Variants in IL1RL2 observed in about 807,000 individuals in gnomAD.
IL1RL2 encodes interleukin 1 receptor like 2.
In IL1RL2, 68 loss-of-function variants were observed where a neutral mutation model predicts 66.8. The observed-to-expected ratio is 1.02, with a 90% CI of 0.84 to 1.25. IL1RL2 has a LOEUF of 1.25. Ranked by LOEUF, IL1RL2 falls within the 50% of genes most tolerant of loss-of-function variation. IL1RL2 has a pLI of 0.00. For missense variants in IL1RL2, 729 were observed against 709.3 expected, an observed-to-expected ratio of 1.03 and a Z score of -0.32; for synonymous variants, 305 against 264.6, an observed-to-expected ratio of 1.15 and a Z score of -1.48.
chr2:102,225,671 T>A (rs1690537333), intron 8 of IL1RL2, among the ~76,000 whole-genome samples: 1 of 152,106 alleles, frequency 6.6e-6, no homozygotes, highest in African/African-American at 2.4e-5. Context: ...CTCGTATAAG[T>A]TCCCAGGAGC....
At position 102,231,912 on chromosome 2, in the gene IL1RL2, C is replaced by T. The variant is rs1449764668; in HGVS notation, c.1136-1051C>T. Among the ~76,000 whole-genome samples, 3 of 152,190 alleles carry T rather than the reference C, an allele frequency of 2.0e-5. No homozygotes were observed. In the East Asian group the frequency reaches 5.8e-4, roughly 29 times the overall value. On this transcript the variant is annotated intron_variant, in intron 9 of 11. Coordinates refer to ENST00000264257, the MANE Select transcript of IL1RL2 (RefSeq NM_003854.4). ...TGGGCCTGAATCAAGAGGGAGTCAT[C>T]CAGTTTTGCCTGGTGCAGTTAGGAC...
chr2:102,207,620 G>A (rs1688812147), intron 5 of IL1RL2, among the ~76,000 whole-genome samples: 1 of 152,058 alleles, frequency 6.6e-6, no homozygotes, highest in South Asian at 2.1e-4. Flanking sequence ...TGCAAGTGAA[G>A]TCCTCTCCGC....
chr2:102,187,762 C>G (rs1457127326), intron 1 of IL1RL2, 94 bp from the exon 2 acceptor site: 2 of 1,040,522 alleles, frequency 1.9e-6, no homozygotes, highest in Admixed American at 1.7e-5. Context: ...GCGGCCTGGG[C>G]GGTTGTCTTT....
chr2:102,234,400 A>G (rs1674653746), intron 10 of IL1RL2, among the ~76,000 whole-genome samples: 1 of 152,132 alleles, frequency 6.6e-6, no homozygotes, highest in Admixed American at 6.6e-5. Context: ...GGCTCCAGGG[A>G]AAGCCACAAA....
At chr2:102,232,684 TGGGGTA>T (rs890678151) in intron 9 of IL1RL2, among the ~76,000 whole-genome samples, 2 of 152,026 alleles carry the variant, frequency 1.3e-5, no homozygotes, top group Non-Finnish European at 2.9e-5. Context: ...TCAAAAGACG[TGGGGTA>T]GGGGTAGGGT....
At chr2:102,238,585 T>A (rs1357497666) in intron 11 of IL1RL2, among the ~76,000 whole-genome samples, 1 of 152,196 alleles carries the variant, frequency 6.6e-6, no homozygotes, top group African/African-American at 2.4e-5. Flanking sequence ...CTGTTTTTTA[T>A]TTATAAACTT....
At chr2:102,235,687 G>C (rs1049083723) in intron 11 of IL1RL2, 22 of 985,430 alleles carry the variant, frequency 2.2e-5, no homozygotes, top group Non-Finnish European at 2.5e-5. Context: ...CAGGAGGGCA[G>C]TCTAGCACCA....
chr2:102,193,239 C>G (rs1408454951), intron 4 of IL1RL2, among the ~76,000 whole-genome samples: 1 of 151,998 alleles, frequency 6.6e-6, no homozygotes, highest in Non-Finnish European at 1.5e-5. Context: ...GTCCTTATAC[C>G]TGTATTTTAA....
chr2:102,193,775 T>G (rs1236992738), intron 4 of IL1RL2, among the ~76,000 whole-genome samples: 2 of 152,230 alleles, frequency 1.3e-5, no homozygotes, highest in Non-Finnish European at 2.9e-5. Context: ...TTTTCCTTAA[T>G]TATTAGTGAG....
rs1690552940 is a variant in IL1RL2 at position 102,225,858 on chromosome 2, A to G, written c.992-40A>G. On this transcript the variant is annotated intron_variant, in intron 8 of 11. Transcript: ENST00000264257. ...ATAATGGACTCTTTGTTTCATTATT[A>G]TAATTATAATTATTATTATTTTTTT... 1.1e-5 allele frequency: 16 copies of G among 1,419,598 alleles called. No homozygotes were observed. In the South Asian group the frequency reaches 1.4e-4, roughly 12 times the overall value. 87.9% of individuals were successfully genotyped at this position (1,419,598 alleles called of 1,614,324 possible).
At chr2:102,230,885 G>A (rs1291655937) in intron 9 of IL1RL2, among the ~76,000 whole-genome samples, 3 of 152,216 alleles carry the variant, frequency 2.0e-5, no homozygotes, top group Non-Finnish European at 4.4e-5. Flanking sequence ...GTCAAGATCT[G>A]TGCACATTTT....
chr2:102,220,168 A>C, intron 8 of IL1RL2, 151 bp downstream of exon 8: 781 of 592,174 alleles, frequency 1.3e-3, no homozygotes, highest in Non-Finnish European at 1.9e-3. Flanking sequence ...GGAAAATCTC[A>C]TGCAACAGCT....
intron 5 of IL1RL2, among the ~76,000 whole-genome samples, chr2:102,209,837 G>A (rs778839186): frequency 1.3e-5 from 2 of 152,120 alleles, no homozygotes; most frequent in Non-Finnish European, 2.9e-5. Context: ...TTGGGAAGAG[G>A]CCATGGGGGA....
At chr2:102,195,001 C>A (rs770295512) in intron 4 of IL1RL2, among the ~76,000 whole-genome samples, 4 of 152,064 alleles carry the variant, frequency 2.6e-5, no homozygotes, top group Non-Finnish European at 5.9e-5. Flanking sequence ...GTTTTGGAAG[C>A]ACAAAAACAG....
At chr2:102,192,202 A>G (rs1687292469) in intron 4 of IL1RL2, 82 bp downstream of exon 4, 3 of 948,570 alleles carry the variant, frequency 3.2e-6, no homozygotes, top group Non-Finnish European at 4.7e-6. Context: ...TGTATTTTTT[A>G]AGGCAGAATT....
rs554732297 is a variant in IL1RL2 at position 102,191,498 on chromosome 2, A to T, written c.294-427A>T. 1.4e-3 allele frequency among the ~76,000 whole-genome samples: 212 copies of T among 152,324 alleles called. 5 individuals carry two copies. The South Asian group carries it at 0.041, about 29-fold the overall frequency. Reference sequence around the variant, plus strand: ...TATTTAATTTCTTTTAATCTGGAACAGTTCCTCAGTCTTTGTTTTTCATGA... The same window carrying T: ...TATTTAATTTCTTTTAATCTGGAACTGTTCCTCAGTCTTTGTTTTTCATGA... On this transcript the variant is annotated intron_variant, in intron 3 of 11. Coordinates refer to ENST00000264257, the MANE Select transcript of IL1RL2 (RefSeq NM_003854.4).
Position 102,210,991 on chromosome 2 carries a change from G to A in IL1RL2, c.650-1109G>A, listed in dbSNP as rs571566957. ...CAGACTGAGAAATGAGGAGGCAAAA[G>A]TAGTTGAATTTGGTGATTGACAAGT... On this transcript the variant is annotated intron_variant, in intron 5 of 11. Coordinates refer to ENST00000264257, the MANE Select transcript of IL1RL2 (RefSeq NM_003854.4). Among the ~76,000 whole-genome samples, 7 of 152,266 alleles carry A rather than the reference G, an allele frequency of 4.6e-5. No homozygotes were observed. In the South Asian group the frequency reaches 1.5e-3, roughly 32 times the overall value.
At chr2:102,216,351 A>T (rs1310112367) in intron 6 of IL1RL2, among the ~76,000 whole-genome samples, 6 of 152,118 alleles carry the variant, frequency 3.9e-5, no homozygotes, top group Non-Finnish European at 7.4e-5. Context: ...ATTTTATCTG[A>T]TGTAAGTGTA....
chr2:102,225,301 A>C (rs1177061731), intron 8 of IL1RL2, among the ~76,000 whole-genome samples: 1 of 152,230 alleles, frequency 6.6e-6, no homozygotes, highest in Non-Finnish European at 1.5e-5. Context: ...CCTCTCGCAC[A>C]GGCACCCAGC....
Sources: gnomAD v4.1 joint callset for allele counts (sites outside exome capture counted in the v4.1 genomes callset) on GRCh38, gnomAD v4.1.1 for gene constraint, MANE v1.5 for transcripts, NCBI Gene and HGNC (gene_info 2026-07-23, HGNC 2026-07-21) for gene names.